KNTC1: variants seen among roughly 807,000 people sequenced by gnomAD.
KNTC1 encodes the protein kinetochore associated 1.
A neutral mutation model predicts 314.4 loss-of-function variants in KNTC1; 253 were observed. That is an observed-to-expected ratio of 0.80 (90% CI 0.73 to 0.89). KNTC1 has a LOEUF of 0.89. Among genes scored for constraint, KNTC1 ranks in the 40% least tolerant of loss-of-function variants. The probability of loss-of-function intolerance (pLI) is 0.00; values close to 1 mark genes in which losing one functional copy is unlikely to be tolerated. For missense variants in KNTC1, 2,475 were observed against 2,572.9 expected (o/e 0.96, Z 0.82); for synonymous variants, 901 against 901.4 (o/e 1.00, Z 0.01).
At chr12:122,588,868 C>A in intron 40 of KNTC1, 52 bp downstream of exon 40, 2 of 1,171,408 alleles carry the variant, frequency 1.7e-6, no homozygotes, top group Non-Finnish European at 2.4e-6. Flanking sequence ...TTGCCTTTTA[C>A]CTCAGTTAAT....
At chr12:122,590,934 A>C (rs569146541) in intron 41 of KNTC1, among the ~76,000 whole-genome samples, 199 bp downstream of exon 41, 19 of 152,014 alleles carry the variant, frequency 1.2e-4, no homozygotes, top group African/African-American at 4.6e-4. Flanking sequence ...CAACCCAAAG[A>C]ATTACAGTTT....
intron 53 of KNTC1, 152 bp downstream of exon 53, chr12:122,611,052 C>T: frequency 1.6e-6 from 1 of 642,838 alleles, no homozygotes; most frequent in Non-Finnish European, 2.8e-6. Context: ...CCTAAGCAAG[C>T]ATTGTCTTGC....
intron 51 of KNTC1, among the ~76,000 whole-genome samples, chr12:122,608,098 T>C (rs1872730157): frequency 6.6e-6 from 1 of 152,202 alleles, no homozygotes; most frequent in Admixed American, 6.5e-5. Context: ...ACAAATAGTG[T>C]AATATGACAT....
chr12:122,547,478 G>A lies in KNTC1; in HGVS notation c.880G>A (p.Val294Ile), dbSNP rs765324143. ...TGTATGGAACTGGCCCTCTCTTCAC[G>A]TAGAAGAGTTTCTTCTTACTACAGA... Reference protein sequence around the residue: ...TPVWNWPSLHVEEFLLTTEAD... With the variant: ...TPVWNWPSLHIEEFLLTTEAD... The change falls in exon 11 of 64, where the codon GTA (valine) becomes ATA (isoleucine). Residue 294 changes from valine to isoleucine, a missense_variant. Physicochemically the swap from Val to Ile is conservative, Grantham distance 29. Transcript: ENST00000333479. 1.3e-5 allele frequency: 21 copies of A among 1,613,106 alleles called. No individual in the cohort carries two copies. The highest frequency in any genetic ancestry group is 6.7e-5 in the Admixed American group (4 of 59,966).
chr12:122,570,727 C>G (rs544178941), intron 22 of KNTC1, 149 bp from the exon 23 acceptor site: 1 of 596,306 alleles, frequency 1.7e-6, no homozygotes, highest in Admixed American at 2.9e-5. Flanking sequence ...ACACCTACTA[C>G]GTGCCCACAC....
chr12:122,535,859 G>T (rs112197952), intron 3 of KNTC1, among the ~76,000 whole-genome samples: 5,601 of 150,210 alleles, frequency 0.037, 356 homozygotes, highest in African/African-American at 0.13. Flanking sequence ...GTCAGTGATT[G>T]TACTGAGCTT....
rs762460965 is a variant in KNTC1, at chr12:122,584,376, C to T, written c.3362C>T (p.Thr1121Ile). 3 of 1,613,762 alleles carry T rather than the reference C, an allele frequency of 1.9e-6. No homozygotes were observed. Among genetic ancestry groups the T allele is most frequent in the Non-Finnish European group, 2.5e-6 (3 of 1,179,720 alleles). The change falls in exon 35 of 64, where the codon ACA (threonine) becomes ATA (isoleucine). Residue 1121 changes from threonine to isoleucine, a missense_variant. By Grantham distance (89) the Thr-to-Ile change is moderately conservative. Transcript: ENST00000333479. ...ATGTTGGCTGATAATGTCCCAGTGA[C>T]AGTGCCTGTGGGACTGAATCTTCCT... ...CQMLADNVPV[T>I]VPVGLNLPSM...
chr12:122,578,435 T>G (rs1382343532), intron 31 of KNTC1, among the ~76,000 whole-genome samples: 1 of 152,044 alleles, frequency 6.6e-6, no homozygotes, highest in South Asian at 2.1e-4. Flanking sequence ...TTTCTTTTCT[T>G]TTTTGAGACA....
chr12:122,557,397 T>G lies in KNTC1; in HGVS notation c.1286T>G (p.Val429Gly), dbSNP rs1246763982. 1 of 1,612,874 alleles carries G rather than the reference T, an allele frequency of 6.2e-7. No individual in the cohort carries two copies. Among genetic ancestry groups the G allele is most frequent in the Admixed American group, 1.7e-5 (1 of 59,772 alleles). The stretch of plus-strand genomic sequence containing the variant: ...TTTATATTACAGCTTGTTTACAAGG[T>G]CAAGTCAAATCATATATTGGAGAAA... Reference protein sequence around the residue: ...FGLDVELVYKVKSNHILEKLA... With the variant: ...FGLDVELVYKGKSNHILEKLA... Residue 429 changes from valine (V) to glycine (G), a missense_variant, in exon 17 of 64, where the codon GTC becomes GGC. Coordinates refer to ENST00000333479, the MANE Select transcript of KNTC1 (RefSeq NM_014708.6).
chr12:122,530,735 G>A (rs1961246635), intron 2 of KNTC1, among the ~76,000 whole-genome samples: 1 of 152,258 alleles, frequency 6.6e-6, no homozygotes, highest in African/African-American at 2.4e-5. Context: ...ACAGGTGTGA[G>A]CCATCACTCC....
chr12:122,539,717 C>T lies in KNTC1; in HGVS notation c.408C>T (p.Tyr136=). ...QKANDENRRT[Y]QNLVIEKDGS... ...CTAACGATGAAAATCGGCGGACTTACCAGAATCTTGTCATTGAGAAGGATG... is the reference window on the plus strand; with the variant it reads ...CTAACGATGAAAATCGGCGGACTTATCAGAATCTTGTCATTGAGAAGGATG... Residue 136 remains tyrosine (Y), a synonymous_variant, in exon 5 of 64, where the codon TAC becomes TAT. Coordinates refer to ENST00000333479, the MANE Select transcript of KNTC1 (RefSeq NM_014708.6). 1.9e-6 allele frequency: 3 copies of T among 1,581,070 alleles called. No individual in the cohort carries two copies. The highest frequency in any genetic ancestry group is 1.4e-5 in the African/African-American group (1 of 73,852).
rs1340861160 is a variant in KNTC1, at chr12:122,603,074, A to G, written c.4932A>G (p.Glu1644=). ...TGTCTACAGCAAAACACGTTTTCGA[A>G]AAAAAACTGAAGCCAAAGCTCCTGA... The part of the protein sequence containing the change: ...LYVSTAKHVF[E]KKLKPKLLKL... Residue 1644 remains glutamate, a synonymous_variant, in exon 48 of 64, where the codon GAA becomes GAG. Coordinates refer to ENST00000333479, the MANE Select transcript of KNTC1 (RefSeq NM_014708.6). 6.2e-7 allele frequency: 1 copy of G among 1,613,890 alleles called. No homozygotes were observed. The highest frequency in any genetic ancestry group is 1.1e-5 in the South Asian group (1 of 91,076).
intron 51 of KNTC1, among the ~76,000 whole-genome samples, chr12:122,609,025 C>T (rs940716591): frequency 6.6e-6 from 1 of 152,098 alleles, no homozygotes; most frequent in East Asian, 1.9e-4. Context: ...TGCCACTGTA[C>T]TCCAGCCTGA....
chr12:122,589,460 A>T (rs900760482), intron 40 of KNTC1, among the ~76,000 whole-genome samples: 2 of 143,844 alleles, frequency 1.4e-5, no homozygotes, highest in African/African-American at 2.7e-5. Flanking sequence ...TTACTTCTTT[A>T]AAAAAATTGT....
intron 4 of KNTC1, among the ~76,000 whole-genome samples, chr12:122,539,194 G>A (rs569846595): frequency 6.6e-6 from 1 of 152,296 alleles, no homozygotes; most frequent in African/African-American, 2.4e-5. Context: ...GCTTTCTGCT[G>A]TTTGATTCCA....
In KNTC1 at chr12:122,603,164, C is replaced by G. The variant is rs374127774; in HGVS notation, c.5022C>G (p.Ile1674Met). The change falls in exon 48 of 64, where the codon ATC becomes ATG. Residue 1674 changes from isoleucine to methionine, a missense_variant. Physicochemically the swap from Ile to Met is conservative, Grantham distance 10 (BLOSUM62 1). Coordinates refer to ENST00000333479, the MANE Select transcript of KNTC1 (RefSeq NM_014708.6). ...NKEITKITQT[I>M]ESCLLSIVNP... Reference sequence around the variant, plus strand: ...AAATAACTAAGATCACGCAGACCATCGAATCCTGCTTACTCTCTATAGTCA... The same window carrying G: ...AAATAACTAAGATCACGCAGACCATGGAATCCTGCTTACTCTCTATAGTCA... 1.2e-6 allele frequency: 2 copies of G among 1,613,274 alleles called. No individual in the cohort carries two copies. Among genetic ancestry groups the G allele is most frequent in the Admixed American group, 1.7e-5 (1 of 59,922 alleles).
chr12:122,571,252 T>C (rs570903299), intron 24 of KNTC1, 126 bp downstream of exon 24: 53 of 610,450 alleles, frequency 8.7e-5, no homozygotes, highest in African/African-American at 5.9e-4. Context: ...TGTGCCTTTT[T>C]TTTGTTTTGT....
chr12:122,547,832 C>G, intron 11 of KNTC1, 83 bp from the exon 12 acceptor site: 1 of 816,450 alleles, frequency 1.2e-6, no homozygotes, highest in Non-Finnish European at 1.9e-6. Flanking sequence ...GCAAAGCCTA[C>G]TTTTTTAATC....
chr12:122,605,520 C>G (rs764931412), intron 51 of KNTC1, 105 bp downstream of exon 51: 13 of 588,834 alleles, frequency 2.2e-5, no homozygotes, highest in Non-Finnish European at 4.0e-5. Context: ...TAATTAGGAG[C>G]GCAGACTCTT....
Sources: allele counts gnomAD v4.1 joint callset (sites outside exome capture counted in the v4.1 genomes callset), GRCh38; gene constraint gnomAD v4.1.1; transcripts MANE v1.5; gene names NCBI Gene and HGNC (gene_info 2026-07-23, HGNC 2026-07-21).